Variants in PEX3 observed in about 807,000 individuals in gnomAD.
PEX3 encodes the protein peroxisomal biogenesis factor 3.
PEX3 carries 30 observed loss-of-function variants against 55.8 expected under a neutral mutation model. The ratio of observed to expected loss-of-function variants is 0.54; its 90% CI spans 0.40 to 0.73. The LOEUF is 0.73. PEX3 is among the 30% of genes least tolerant of loss of function. The pLI is 0.00. For synonymous variants in PEX3, 135 were observed against 148.4 expected, an observed-to-expected ratio of 0.91 and a Z score of 0.66; for missense variants, 351 against 432.8, an observed-to-expected ratio of 0.81 and a Z score of 1.68.
intron 1 of PEX3, among the ~76,000 whole-genome samples, chr6:143,455,171 A>ATTTTCTTTTC (rs58331398): frequency 0.022 from 3,204 of 143,950 alleles, 151 homozygotes; most frequent in African/African-American, 0.073. Context: ...ATTTGGGGGT[A>ATTTTCTTTTC]TTTTCTTTTC....
At chr6:143,474,761 T>TAA in intron 8 of PEX3, 25 bp from the exon 9 acceptor site, 1 of 1,284,932 alleles carries the variant, frequency 7.8e-7, no homozygotes, top group Non-Finnish European at 1.1e-6. Flanking sequence ...TTGAAAACCT[T>TAA]AAGTGTGACA....
chr6:143,489,187 G>A lies in PEX3; in HGVS notation c.1083G>A (p.Val361=), dbSNP rs768262346. Residue 361 remains valine (V), a synonymous_variant, in exon 12 of 12, where the codon GTG becomes GTA. Coordinates refer to ENST00000367591, the MANE Select transcript of PEX3 (RefSeq NM_003630.3). This position sits in a 1 kb window ranked among gnomAD's most constrained non-coding sequence, Gnocchi z 5.5. ...MEQVKDFAAN[V]YEAFSTPQQL... Reference sequence around the variant, plus strand: ...AAGTGAAAGACTTTGCTGCTAATGTGTATGAAGCTTTTAGTACCCCTCAGC... The same window carrying A: ...AAGTGAAAGACTTTGCTGCTAATGTATATGAAGCTTTTAGTACCCCTCAGC... 2 of 1,609,454 alleles carry A rather than the reference G, an allele frequency of 1.2e-6. No individual in the cohort carries two copies. Among genetic ancestry groups the A allele is most frequent in the South Asian group, 1.1e-5 (1 of 90,982 alleles).
In PEX3 at chr6:143,468,170, G is replaced by GCC; in HGVS notation, c.331+6_331+7dup. 6.3e-7 allele frequency: 1 copy of GCC among 1,581,056 alleles called. No individual in the cohort carries two copies. Among genetic ancestry groups the GCC allele is most frequent in the Non-Finnish European group, 8.7e-7 (1 of 1,150,982 alleles). On this transcript the variant is annotated splice_donor_region_variant and intron_variant, in intron 4 of 11. Coordinates refer to ENST00000367591, the MANE Select transcript of PEX3 (RefSeq NM_003630.3). Reference sequence around the variant, plus strand: ...GGGAGGATCTGAAGATAATAAGTAAGCCTGCATATTCTGTGTGACAGCACA... The same window carrying GCC: ...GGGAGGATCTGAAGATAATAAGTAAGCCCCTGCATATTCTGTGTGACAGCACA...
At position 143,476,967 on chromosome 6, in the gene PEX3, A is replaced by G. The variant is rs557945374; in HGVS notation, c.819-2109A>G. Among the ~76,000 whole-genome samples, 1 of 152,324 alleles carries G rather than the reference A, an allele frequency of 6.6e-6. No individual in the cohort carries two copies. Among genetic ancestry groups the G allele is most frequent in the South Asian group, 2.1e-4 (1 of 4,830 alleles). ...GAGTAGGAGCTGCCAGCGAAAGAAA[A>G]GAAACACCAAAAGAATGAGGTATTT... On this transcript the variant is annotated intron_variant, in intron 9 of 11. Coordinates refer to ENST00000367591, the MANE Select transcript of PEX3 (RefSeq NM_003630.3). This position sits in a 1 kb window ranked among gnomAD's most constrained non-coding sequence, Gnocchi z 5.4.
rs1367329414 is a variant in PEX3, at chr6:143,453,996, TA to T, written c.73+2883del. ...AAAGCTTTCTAAATTTTATATCTAT[TA>T]ATAGTTATGATATTCAAAATTAAAA... On this transcript the variant is annotated intron_variant, in intron 1 of 11. Coordinates refer to ENST00000367591, the MANE Select transcript of PEX3 (RefSeq NM_003630.3). This position sits in a 1 kb window ranked among gnomAD's most constrained non-coding sequence, Gnocchi z 4.6. 5.9e-5 allele frequency among the ~76,000 whole-genome samples: 9 copies of T among 152,086 alleles called. No individual in the cohort carries two copies. The highest frequency in any genetic ancestry group is 7.2e-5 in the African/African-American group (3 of 41,424).
rs1780069641 is a variant in PEX3 at position 143,471,275 on chromosome 6, T to C, written c.457-108T>C. 4.6e-6 allele frequency: 5 copies of C among 1,076,764 alleles called. No individual in the cohort carries two copies. In the Admixed American group the frequency reaches 7.6e-5, roughly 16 times the overall value. 66.7% of individuals were successfully genotyped at this position (1,076,764 alleles called of 1,614,324 possible). On this transcript the variant is annotated intron_variant, in intron 5 of 11. Transcript: ENST00000367591. The surrounding 1 kb of genome is among the most constrained non-coding windows in gnomAD (Gnocchi z 5.4). ...TTGGTGTGTTAAAAATTACTATTTT[T>C]CCCGTCATTTCAGATCTTGAAAAAT...
At chr6:143,477,467 T>C (rs1780170759) in intron 9 of PEX3, among the ~76,000 whole-genome samples, 1 of 152,108 alleles carries the variant, frequency 6.6e-6, no homozygotes, top group Non-Finnish European at 1.5e-5. Context: ...GTACTTTGAA[T>C]AGGAGAAAGG....
chr6:143,477,669 A>G (rs866758748), intron 9 of PEX3, among the ~76,000 whole-genome samples: 1 of 152,118 alleles, frequency 6.6e-6, no homozygotes. Context: ...AATGAATTCA[A>G]TTCAATAATA....
At position 143,484,938 on chromosome 6, in the gene PEX3, A is replaced by G. The variant is rs1229547553; in HGVS notation, c.942-214A>G. 3 of 526,766 alleles carry G rather than the reference A, an allele frequency of 5.7e-6. No homozygotes were observed. In the African/African-American group the frequency reaches 5.8e-5, roughly 10 times the overall value. The allele number at this position is 526,766 out of a possible 1,614,324, so 32.6% of individuals were successfully genotyped here. On this transcript the variant is annotated intron_variant, in intron 10 of 11. Transcript: ENST00000367591. ...GTTAGAGGTTTTTGGTAGACACAAA[A>G]AAACAAAGATATGTGTAAAAAAACG...
In PEX3 at chr6:143,451,561, G is replaced by T. The variant is rs1779765849; in HGVS notation, c.73+446G>T. 6.6e-6 allele frequency among the ~76,000 whole-genome samples: 1 copy of T among 152,228 alleles called. No homozygotes were observed. Among genetic ancestry groups the T allele is most frequent in the Non-Finnish European group, 1.5e-5 (1 of 68,046 alleles). On this transcript the variant is annotated intron_variant, in intron 1 of 11. Transcript: ENST00000367591. This position sits in a 1 kb window ranked among gnomAD's most constrained non-coding sequence, Gnocchi z 4.1. ...CCTATAGGCTGCACTTCGGGTGGTGGTTAAAGTCGATTTGAATTTTTGAAA... is the reference window on the plus strand; with the variant it reads ...CCTATAGGCTGCACTTCGGGTGGTGTTTAAAGTCGATTTGAATTTTTGAAA...
chr6:143,477,174 G>C (rs1169260709), intron 9 of PEX3, among the ~76,000 whole-genome samples: 2 of 152,116 alleles, frequency 1.3e-5, no homozygotes, highest in African/African-American at 4.8e-5. Context: ...GTTTAGCAGA[G>C]ACCAAGCACA....
rs1381849394 is a variant in PEX3, at chr6:143,459,538, A to G, written c.205+322A>G. Among the ~76,000 whole-genome samples, 1 of 152,242 alleles carries G rather than the reference A, an allele frequency of 6.6e-6. No individual in the cohort carries two copies. Among genetic ancestry groups the G allele is most frequent in the African/African-American group, 2.4e-5 (1 of 41,470 alleles). ...AAACAACAAATAAGTAACTTTAGGC[A>G]GTGATGGCTGCCATATGGAACATAA... On this transcript the variant is annotated intron_variant, in intron 2 of 11. Coordinates refer to ENST00000367591, the MANE Select transcript of PEX3 (RefSeq NM_003630.3). This position sits in a 1 kb window ranked among gnomAD's most constrained non-coding sequence, Gnocchi z 4.2.
chr6:143,453,388 C>G lies in PEX3; in HGVS notation c.73+2273C>G, dbSNP rs1562649379. On this transcript the variant is annotated intron_variant, in intron 1 of 11. Transcript: ENST00000367591. This position sits in a 1 kb window ranked among gnomAD's most constrained non-coding sequence, Gnocchi z 4.6. The stretch of plus-strand genomic sequence containing the variant: ...GTAAGTAAAACCTTGAGTAGCAGGC[C>G]TTCTTAAGTAACAATTTCTGTTTCC... Among the ~76,000 whole-genome samples, 1 of 152,170 alleles carries G rather than the reference C, an allele frequency of 6.6e-6. No individual in the cohort carries two copies. Among genetic ancestry groups the G allele is most frequent in the African/African-American group, 2.4e-5 (1 of 41,442 alleles).
intron 1 of PEX3, among the ~76,000 whole-genome samples, chr6:143,455,506 C>T (rs1221286550): frequency 2.6e-5 from 4 of 151,584 alleles, no homozygotes; most frequent in Non-Finnish European, 5.9e-5. Flanking sequence ...TGAGCCACCG[C>T]GCCCTGCCCA....
chr6:143,484,215 T>C (rs1180493332), intron 10 of PEX3, among the ~76,000 whole-genome samples: 2 of 152,160 alleles, frequency 1.3e-5, no homozygotes, highest in African/African-American at 4.8e-5. Flanking sequence ...CATACAGTGA[T>C]ACATACATGT....
chr6:143,472,922 A>G (rs1199236243), intron 8 of PEX3, among the ~76,000 whole-genome samples: 1 of 152,256 alleles, frequency 6.6e-6, no homozygotes, highest in Non-Finnish European at 1.5e-5. Flanking sequence ...GTTGCTAAAC[A>G]CTGGTGTGTC....
rs895397291 is a variant in PEX3, at chr6:143,471,992, A to G, written c.579-168A>G. Among the ~76,000 whole-genome samples, 1 of 152,182 alleles carries G rather than the reference A, an allele frequency of 6.6e-6. No homozygotes were observed. The highest frequency in any genetic ancestry group is 2.4e-5 in the African/African-American group (1 of 41,452). On this transcript the variant is annotated intron_variant, in intron 7 of 11. Transcript: ENST00000367591. The surrounding 1 kb of genome is among the most constrained non-coding windows in gnomAD (Gnocchi z 5.4). ...AAATACTTTTCTTGGCTCTGTAGTAATGGCCCTTAACTAGTGGCTGATTTC... is the reference window on the plus strand; with the variant it reads ...AAATACTTTTCTTGGCTCTGTAGTAGTGGCCCTTAACTAGTGGCTGATTTC...
intron 2 of PEX3, among the ~76,000 whole-genome samples, chr6:143,461,888 C>T (rs142177383): frequency 0.049 from 7,422 of 152,190 alleles, 594 homozygotes; most frequent in African/African-American, 0.17. Context: ...GTCAAGGCTG[C>T]AGTGAGCCGT....
chr6:143,466,525 A>G lies in PEX3; in HGVS notation c.288-1597A>G, dbSNP rs1393713285. ...TGAGTTATTGTTGTTAATTTTTTACACTGCCTAGTTTATAAATTAAACTTT... is the reference window on the plus strand; with the variant it reads ...TGAGTTATTGTTGTTAATTTTTTACGCTGCCTAGTTTATAAATTAAACTTT... On this transcript the variant is annotated intron_variant, in intron 3 of 11. Coordinates refer to ENST00000367591, the MANE Select transcript of PEX3 (RefSeq NM_003630.3). This position sits in a 1 kb window ranked among gnomAD's most constrained non-coding sequence, Gnocchi z 5.4. Among the ~76,000 whole-genome samples, 1 of 152,090 alleles carries G rather than the reference A, an allele frequency of 6.6e-6. No homozygotes were observed. Among genetic ancestry groups the G allele is most frequent in the Non-Finnish European group, 1.5e-5 (1 of 67,960 alleles).
Sources: gnomAD v4.1 joint callset for allele counts (sites outside exome capture counted in the v4.1 genomes callset) on GRCh38, gnomAD v4.1.1 for gene constraint, Gnocchi (gnomAD v3.1) non-coding constraint, MANE v1.5 for transcripts, NCBI Gene and HGNC (gene_info 2026-07-23, HGNC 2026-07-21) for gene names.